Variants in INTS13 observed in about 807,000 individuals in gnomAD.
INTS13 encodes the protein asunder, spermatogenesis regulator homolog (Drosphila).
A neutral mutation model predicts 90.2 loss-of-function variants in INTS13; 35 were observed. The observed-to-expected ratio is 0.39, with a 90% CI of 0.30 to 0.51. The LOEUF (loss-of-function observed/expected upper bound fraction) is 0.51, where lower values mean the gene tolerates loss of function less well. Among genes scored for constraint, INTS13 ranks in the 20% least tolerant of loss-of-function variants. INTS13 has a pLI of 0.80. For missense variants in INTS13, 601 were observed against 851.2 expected (o/e 0.71, Z 3.66); for synonymous variants, 309 against 277.1 (o/e 1.11, Z -1.14).
chr12:26,916,162 T>C lies in INTS13; in HGVS notation c.1088A>G (p.Glu363Gly), dbSNP rs1951929751. Residue 363 changes from glutamate (E) to glycine (G), a missense_variant, in exon 11 of 17, where the codon GAA becomes GGA. Physicochemically the swap from Glu to Gly is moderately conservative, Grantham distance 98. Coordinates refer to ENST00000261191, the MANE Select transcript of INTS13 (RefSeq NM_018164.3). ...TTTAGAACCTGACTTTCGTGGTTGT[T>C]CCAATAAAACAGAACGACCTGTCAA... ...FLLNGRSVLL[E>G]QPRKSGSKVI... 6.2e-7 allele frequency: 1 copy of C among 1,610,786 alleles called. No homozygotes were observed. The highest frequency in any genetic ancestry group is 1.3e-5 in the African/African-American group (1 of 74,756).
At chr12:26,924,716 T>C (rs1470433568) in intron 6 of INTS13, among the ~76,000 whole-genome samples, 3 of 152,216 alleles carry the variant, frequency 2.0e-5, no homozygotes, top group Non-Finnish European at 4.4e-5. Flanking sequence ...ACTGTGAGTA[T>C]ACAGAACACA....
In INTS13 at chr12:26,905,211, T is replaced by C. The variant is rs1592189034; in HGVS notation, c.*286A>G. On this transcript the variant is annotated 3_prime_UTR_variant, in exon 17 of 17. Coordinates refer to ENST00000261191, the MANE Select transcript of INTS13 (RefSeq NM_018164.3). ...CATTTCAAATATTTTAATAGTTTTA[T>C]TTCGCAAAGAGAAGCCTAAGAATTT... The C allele has an allele frequency of 3.5e-5, 10 of 284,196 alleles. No individual in the cohort carries two copies. The East Asian group carries it at 6.2e-4, about 18-fold the overall frequency. The allele number at this position is 284,196 out of a possible 1,614,324, so 17.6% of individuals were successfully genotyped here. A position where few individuals can be genotyped will look rare whatever the true frequency, so the allele number is the denominator to read the frequency against.
At chr12:26,921,876 G>A (rs1468098706) in intron 8 of INTS13, among the ~76,000 whole-genome samples, 5 of 152,116 alleles carry the variant, frequency 3.3e-5, no homozygotes, top group East Asian at 1.9e-4. Flanking sequence ...CGCTTGTCTC[G>A]AACTCCTGAC....
At chr12:26,929,050 A>G in intron 3 of INTS13, 145 bp from the exon 4 acceptor site, 1 of 680,576 alleles carries the variant, frequency 1.5e-6, no homozygotes, top group Non-Finnish European at 2.4e-6. Flanking sequence ...CAAATCCAGT[A>G]ACACACAAAG....
intron 3 of INTS13, among the ~76,000 whole-genome samples, chr12:26,930,706 C>A (rs1938141741): frequency 6.6e-6 from 1 of 152,166 alleles, no homozygotes; most frequent in African/African-American, 2.4e-5. Context: ...GACTAGCATA[C>A]CTATCCATCA....
chr12:26,935,224 A>G (rs1938399260), intron 2 of INTS13, among the ~76,000 whole-genome samples: 1 of 152,272 alleles, frequency 6.6e-6, no homozygotes, highest in Admixed American at 6.5e-5. Flanking sequence ...CTTTACGCTA[A>G]GTTTTAAAGT....
At chr12:26,937,052 G>A (rs1288281347) in intron 1 of INTS13, among the ~76,000 whole-genome samples, 4 of 152,136 alleles carry the variant, frequency 2.6e-5, no homozygotes, top group African/African-American at 9.7e-5. Flanking sequence ...ACCAGTGCAT[G>A]CATTTTTGGT....
intron 3 of INTS13, chr12:26,929,147 T>C (rs1938050800): frequency 2.7e-6 from 1 of 365,088 alleles, no homozygotes; most frequent in Non-Finnish European, 4.9e-6. Context: ...ATACATCATA[T>C]ATCAATAAAA....
chr12:26,906,615 A>T, intron 15 of INTS13, 178 bp from the exon 16 acceptor site: 1 of 666,522 alleles, frequency 1.5e-6, no homozygotes, highest in Non-Finnish European at 2.4e-6. Flanking sequence ...TCTAAAATTT[A>T]TGTGTTTCAG....
chr12:26,923,478 A>G (rs1937695387), intron 7 of INTS13, among the ~76,000 whole-genome samples: 3 of 152,190 alleles, frequency 2.0e-5, no homozygotes, highest in Non-Finnish European at 4.4e-5. Context: ...GAAAATAGAA[A>G]CTGGAATGTA....
At chr12:26,914,386 G>A (rs777366604) in intron 12 of INTS13, 22 bp downstream of exon 12, 2 of 1,585,310 alleles carry the variant, frequency 1.3e-6, no homozygotes, top group South Asian at 2.4e-5. Context: ...TATAAGAAAA[G>A]TTGAAGCTAC....
At chr12:26,916,488 T>A (rs1196548992) in intron 10 of INTS13, among the ~76,000 whole-genome samples, 1 of 152,188 alleles carries the variant, frequency 6.6e-6, no homozygotes, top group African/African-American at 2.4e-5. Flanking sequence ...CTCCTGGACC[T>A]CAAGAAGAAA....
At chr12:26,916,529 T>A (rs2137453392) in intron 10 of INTS13, among the ~76,000 whole-genome samples, 1 of 152,334 alleles carries the variant, frequency 6.6e-6, no homozygotes, top group East Asian at 1.9e-4. Flanking sequence ...ATCCTCAGGT[T>A]ATTAATGCTA....
intron 16 of INTS13, 134 bp from the exon 17 acceptor site, chr12:26,905,670 C>T (rs1951587921): frequency 1.2e-6 from 1 of 856,672 alleles, no homozygotes; most frequent in Non-Finnish European, 1.8e-6. Context: ...AAAGGACTAA[C>T]ATCAGGGTTC....
chr12:26,920,171 A>G (rs1359074799), intron 8 of INTS13, among the ~76,000 whole-genome samples: 2 of 151,616 alleles, frequency 1.3e-5, no homozygotes, highest in African/African-American at 4.8e-5. Flanking sequence ...TATCTGGGCT[A>G]AAGTATAAGC....
chr12:26,920,489 C>T lies in INTS13; in HGVS notation c.889+2127G>A, dbSNP rs541900543. Among the ~76,000 whole-genome samples the T allele has an allele frequency of 4.0e-5, 6 of 151,886 alleles. No homozygotes were observed. The South Asian group carries it at 1.0e-3, about 26-fold the overall frequency. The stretch of plus-strand genomic sequence containing the variant: ...TCTCAGCTCACTGCAACTTCTGCCT[C>T]CCGGGTTCAAGCGATTCCCCTGCCT... On this transcript the variant is annotated intron_variant, in intron 8 of 16. Coordinates refer to ENST00000261191, the MANE Select transcript of INTS13 (RefSeq NM_018164.3).
intron 3 of INTS13, 87 bp downstream of exon 3, chr12:26,934,469 G>T: frequency 1.0e-6 from 1 of 974,394 alleles, no homozygotes; most frequent in Non-Finnish European, 1.6e-6. Flanking sequence ...AAATCCTAGA[G>T]TGATTTAAAA....
chr12:26,913,143 G>A (rs1307690971), intron 14 of INTS13, among the ~76,000 whole-genome samples: 1 of 152,130 alleles, frequency 6.6e-6, no homozygotes, highest in East Asian at 1.9e-4. Flanking sequence ...TTAGTGAACA[G>A]AGGAATAAAA....
At chr12:26,920,241 T>A (rs1358334497) in intron 8 of INTS13, among the ~76,000 whole-genome samples, 1 of 152,148 alleles carries the variant, frequency 6.6e-6, no homozygotes, top group Non-Finnish European at 1.5e-5. Flanking sequence ...TAACTCTTAC[T>A]GGCACAACCA....
Sources: gnomAD v4.1 joint callset for allele counts (sites outside exome capture counted in the v4.1 genomes callset) on GRCh38, gnomAD v4.1.1 for gene constraint, MANE v1.5 for transcripts, NCBI Gene and HGNC (gene_info 2026-07-23, HGNC 2026-07-21) for gene names.